Variants in C16orf89 observed in about 807,000 individuals in gnomAD.
C16orf89 encodes the protein chromosome 16 open reading frame 89.
Under a neutral mutation model 41.5 loss-of-function variants are expected in C16orf89, and 57 were observed. That is an observed-to-expected ratio of 1.38 (90% CI 1.11 to 1.71). The LOEUF is 1.71. Ranked by LOEUF, C16orf89 falls within the 40% of genes most tolerant of loss-of-function variation. The pLI is 0.00. For synonymous variants in C16orf89, 223 were observed against 190.6 expected, an observed-to-expected ratio of 1.17 and a Z score of -1.40; for missense variants, 575 against 445.9, an observed-to-expected ratio of 1.29 and a Z score of -2.61.
chr16:5,055,241 C>G lies in C16orf89; in HGVS notation c.868+5G>C. The G allele has an allele frequency of 6.2e-7, 1 of 1,602,366 alleles. No individual in the cohort carries two copies. The highest frequency in any genetic ancestry group is 1.3e-5 in the African/African-American group (1 of 74,642). On this transcript the variant is annotated splice_donor_5th_base_variant and intron_variant, in intron 6 of 7. Coordinates refer to ENST00000472572, the MANE Select transcript of C16orf89 (RefSeq NM_001098514.3). ...CTTCTTAGCCAGGGCAGCAGCGCAGCTCACCAGGCTCCCCGAAGCATCCTT... is the reference window on the plus strand; with the variant it reads ...CTTCTTAGCCAGGGCAGCAGCGCAGGTCACCAGGCTCCCCGAAGCATCCTT...
At chr16:5,056,303 G>T in intron 4 of C16orf89, 115 bp from the exon 5 acceptor site, 1 of 1,037,932 alleles carries the variant, frequency 9.6e-7, no homozygotes, top group Non-Finnish European at 1.4e-6. Context: ...CTGTGTTTAG[G>T]GCTGTGTTTA....
chr16:5,047,510 T>G (rs1956320524), intron 7 of C16orf89, among the ~76,000 whole-genome samples: 1 of 150,714 alleles, frequency 6.6e-6, no homozygotes, highest in East Asian at 1.9e-4. Flanking sequence ...CTCTGTCACC[T>G]GGGCTGGAGT....
chr16:5,061,180 T>A (rs1956612922), intron 2 of C16orf89, among the ~76,000 whole-genome samples: 1 of 140,794 alleles, frequency 7.1e-6, no homozygotes, highest in Admixed American at 7.6e-5. Flanking sequence ...GAGAATAGCA[T>A]GAACCCGGGA....
intron 6 of C16orf89, among the ~76,000 whole-genome samples, chr16:5,050,174 C>T (rs1458247775): frequency 6.6e-6 from 1 of 152,174 alleles, no homozygotes; most frequent in Non-Finnish European, 1.5e-5. Context: ...TCGAGACCAG[C>T]CTGGTCAATA....
At chr16:5,065,655 G>C in intron 1 of C16orf89, 46 bp downstream of exon 1, 1 of 1,558,092 alleles carries the variant, frequency 6.4e-7, no homozygotes, top group Non-Finnish European at 8.8e-7. Flanking sequence ...ACAAAGCTGA[G>C]AGCTAGCTTC....
intron 1 of C16orf89, among the ~76,000 whole-genome samples, chr16:5,064,981 G>A (rs935594323): frequency 2.6e-5 from 4 of 152,246 alleles, no homozygotes; most frequent in African/African-American, 9.6e-5. Flanking sequence ...CAGATACTTA[G>A]TGAACTACAG....
chr16:5,064,736 G>A (rs1256260202), intron 1 of C16orf89, among the ~76,000 whole-genome samples: 1 of 152,208 alleles, frequency 6.6e-6, no homozygotes, highest in Non-Finnish European at 1.5e-5. Context: ...AGTGGATGTG[G>A]GATGTGGCGT....
intron 6 of C16orf89, among the ~76,000 whole-genome samples, chr16:5,049,709 TAA>T (rs1051220187): frequency 5.3e-5 from 8 of 152,042 alleles, no homozygotes; most frequent in Non-Finnish European, 1.0e-4. Flanking sequence ...AAACCAGTAT[TAA>T]GAGGGAAATT....
intron 6 of C16orf89, among the ~76,000 whole-genome samples, chr16:5,053,614 C>T (rs1956437264): frequency 6.6e-6 from 1 of 151,442 alleles, no homozygotes; most frequent in South Asian, 2.1e-4. Flanking sequence ...AGTCATGGCT[C>T]ACTGCAGCCT....
rs191668969 is a variant in C16orf89 at position 5,044,283 on chromosome 16, A to T, written c.*65T>A. On this transcript the variant is annotated 3_prime_UTR_variant, in exon 8 of 8. Transcript: ENST00000472572. Reference sequence around the variant, plus strand: ...CAGGATGTGATCCGTGCCCTCCAGGATCTAAGGGATGAGGACTAAAGGGGT... The same window carrying T: ...CAGGATGTGATCCGTGCCCTCCAGGTTCTAAGGGATGAGGACTAAAGGGGT... The T allele has an allele frequency of 9.3e-5, 140 of 1,506,966 alleles. 2 individuals are homozygous for T. The African/African-American group carries it at 1.8e-3, about 19-fold the overall frequency. The allele number at this position is 1,506,966 out of a possible 1,614,324, so 93.3% of individuals were successfully genotyped here.
chr16:5,065,178 C>T (rs867744681), intron 1 of C16orf89, among the ~76,000 whole-genome samples: 1 of 152,116 alleles, frequency 6.6e-6, no homozygotes, highest in Admixed American at 6.6e-5. Context: ...TGTGTGTTTA[C>T]CTTGGCCTGT....
rs967072768 is a variant in C16orf89, at chr16:5,056,171, T to A, written c.645A>T (p.Gly215=). ...TATAGTCCTGGCTCTGTTGGAGTGGTCCCTGTGTGCACCCCCTCTGGGGAG... is the reference window on the plus strand; with the variant it reads ...TATAGTCCTGGCTCTGTTGGAGTGGACCCTGTGTGCACCCCCTCTGGGGAG... ...LWARMRGCTQ[G]PLQQSQDYIN... is the part of the protein sequence containing the mutation. The change falls in exon 5 of 8, where the codon GGA becomes GGT. Residue 215 remains glycine, a synonymous_variant. Transcript: ENST00000472572. 5.0e-6 allele frequency: 8 copies of A among 1,590,366 alleles called. No individual in the cohort carries two copies. Among genetic ancestry groups the A allele is most frequent in the South Asian group, 2.2e-5 (2 of 90,540 alleles).
At chr16:5,048,042 T>C (rs1956331299) in intron 6 of C16orf89, 78 bp from the exon 7 acceptor site, 1 of 809,506 alleles carries the variant, frequency 1.2e-6, no homozygotes, top group South Asian at 1.5e-5. Flanking sequence ...ACTGCTTTTA[T>C]TGTAGAGACA....
chr16:5,055,213 C>A (rs1420187612), intron 6 of C16orf89, 33 bp downstream of exon 6: 1 of 1,537,194 alleles, frequency 6.5e-7, no homozygotes, highest in African/African-American at 1.4e-5. Context: ...CCCCACTGCC[C>A]CCCTTCTTAG....
rs369787315 is a variant in C16orf89 at position 5,058,481 on chromosome 16, C to G, written c.627+12G>C. ...CTTCCCCTGGCACGGCGGGGGCTCC[C>G]TGGGCACTCACCATTCTGGCCCAGA... On this transcript the variant is annotated intron_variant, in intron 4 of 7. Transcript: ENST00000472572. The G allele has an allele frequency of 2.7e-5, 43 of 1,585,414 alleles. No homozygotes were observed. The highest frequency in any genetic ancestry group is 3.4e-5 in the Non-Finnish European group (39 of 1,157,368).
intron 7 of C16orf89, 26 bp downstream of exon 7, chr16:5,047,852 G>GAA: frequency 7.4e-7 from 1 of 1,349,018 alleles, no homozygotes. Flanking sequence ...TTCATGTCAA[G>GAA]AAACTCCCTT....
At chr16:5,052,209 C>T (rs578155095) in intron 6 of C16orf89, among the ~76,000 whole-genome samples, 4 of 151,614 alleles carry the variant, frequency 2.6e-5, no homozygotes, top group African/African-American at 4.8e-5. Flanking sequence ...CTATGAAAAA[C>T]GCTCACTATC....
chr16:5,063,737 A>T (rs1424963365), intron 1 of C16orf89, among the ~76,000 whole-genome samples: 1 of 152,142 alleles, frequency 6.6e-6, no homozygotes, highest in Non-Finnish European at 1.5e-5. Flanking sequence ...TCACCCCCAG[A>T]CGGGATTATC....
intron 6 of C16orf89, among the ~76,000 whole-genome samples, chr16:5,051,188 A>G (rs1163690992): frequency 6.6e-6 from 1 of 152,226 alleles, no homozygotes; most frequent in Non-Finnish European, 1.5e-5. Context: ...ACATAATACT[A>G]GAAGTCTTAG....
Sources: allele counts gnomAD v4.1 joint callset (sites outside exome capture counted in the v4.1 genomes callset), GRCh38; gene constraint gnomAD v4.1.1; transcripts MANE v1.5; gene names NCBI Gene and HGNC (gene_info 2026-07-23, HGNC 2026-07-21).